The following COL18A1 variants were observed in gnomAD, a reference collection of about 807,000 sequenced individuals.
COL18A1 encodes the protein collagen type XVIII alpha 1 chain.
Under a neutral mutation model 168.0 loss-of-function variants are expected in COL18A1, and 133 were observed. That is an observed-to-expected ratio of 0.79 (90% CI 0.69 to 0.91). The LOEUF (loss-of-function observed/expected upper bound fraction) is 0.91. Ranked by LOEUF, COL18A1 falls within the 40% of genes least tolerant of loss-of-function variation. The pLI is 0.00. For synonymous variants in COL18A1, 949 were observed against 809.0 expected, an observed-to-expected ratio of 1.17 and a Z score of -2.94; for missense variants, 2,126 against 1,925.4, an observed-to-expected ratio of 1.10 and a Z score of -1.95.
intron 15 of COL18A1, among the ~76,000 whole-genome samples, chr21:45,485,364 C>G (rs1012021936): frequency 1.3e-5 from 2 of 151,382 alleles, no homozygotes; most frequent in East Asian, 3.9e-4. Context: ...GACACGATGG[C>G]TCACACCTGT....
At chr21:45,459,355 T>G (rs952511525) in intron 2 of COL18A1, among the ~76,000 whole-genome samples, 8 of 152,170 alleles carry the variant, frequency 5.3e-5, no homozygotes, top group African/African-American at 1.7e-4. Flanking sequence ...GTGGGGGTGC[T>G]GGGCTGTGAT....
At chr21:45,438,360 G>A (rs1418574840) in intron 2 of COL18A1, among the ~76,000 whole-genome samples, 2 of 135,774 alleles carry the variant, frequency 1.5e-5, no homozygotes, top group African/African-American at 2.9e-5. Flanking sequence ...AGACACACAG[G>A]CACTCTCCTG....
At chr21:45,475,740 C>T (rs375235752) in intron 5 of COL18A1, among the ~76,000 whole-genome samples, 1 of 142,012 alleles carries the variant, frequency 7.0e-6, no homozygotes, top group African/African-American at 2.9e-5. Flanking sequence ...CCTGCCTGGC[C>T]GCCGCGTGTC....
intron 2 of COL18A1, among the ~76,000 whole-genome samples, chr21:45,409,483 G>A (rs1385847861): frequency 1.3e-5 from 2 of 152,110 alleles, no homozygotes; most frequent in African/African-American, 2.4e-5. Context: ...CCAGGCCTGG[G>A]AGTTTGGGGT....
At position 45,443,840 on chromosome 21, in the gene COL18A1, T is replaced by C. The variant is rs1404130421; in HGVS notation, c.107-24402T>C. Among the ~76,000 whole-genome samples the C allele has an allele frequency of 6.6e-6, 1 of 152,204 alleles. No homozygotes were observed. The highest frequency in any genetic ancestry group is 6.5e-5 in the Admixed American group (1 of 15,292). ...GCACTAAGGAGAGATGCCTGCTGCA[T>C]GATCCCCTAGATGCGTCCGAGGGAC... On this transcript the variant is annotated intron_variant, in intron 2 of 41. Coordinates refer to ENST00000651438, the MANE Select transcript of COL18A1 (RefSeq NM_001379500.1). This position sits in a 1 kb window ranked among gnomAD's most constrained non-coding sequence, Gnocchi z 5.2.
chr21:45,468,017 C>T (rs978804796), intron 2 of COL18A1, among the ~76,000 whole-genome samples: 13 of 152,224 alleles, frequency 8.5e-5, no homozygotes, highest in African/African-American at 2.9e-4. Context: ...GTCCCCTGCA[C>T]ACAGGTTTCT....
chr21:45,473,893 A>G lies in COL18A1; in HGVS notation c.652-2A>G. 1 of 1,598,492 alleles carries G rather than the reference A, an allele frequency of 6.3e-7. No individual in the cohort carries two copies. The highest frequency in any genetic ancestry group is 8.5e-7 in the Non-Finnish European group (1 of 1,172,840). The stretch of plus-strand genomic sequence containing the variant: ...GTGACCCCTTTCTCTGTCTGCATTT[A>G]GGGGGTGATCGCTGAGCTGAAGGTG... On this transcript the variant is annotated splice_acceptor_variant, in intron 3 of 41. Transcript: ENST00000651438. LOFTEE classifies it high-confidence loss of function. The surrounding 1 kb of genome is among the most constrained non-coding windows in gnomAD (Gnocchi z 4.0).
chr21:45,510,938 A>ACACCC (rs1271906023), intron 40 of COL18A1, among the ~76,000 whole-genome samples, 173 bp from the exon 41 acceptor site: 1 of 41,994 alleles, frequency 2.4e-5, no homozygotes, highest in Non-Finnish European at 4.2e-5. Context: ...CCCCCAAAAA[A>ACACCC]ACACACACCC....
chr21:45,413,127 C>T (rs1360187122), intron 2 of COL18A1, among the ~76,000 whole-genome samples: 1 of 152,202 alleles, frequency 6.6e-6, no homozygotes. Flanking sequence ...AGGGGGGACG[C>T]CACAGTGGAG....
chr21:45,489,538 G>T lies in COL18A1; in HGVS notation c.1959+17G>T, dbSNP rs773229325. 29 of 1,571,020 alleles carry T rather than the reference G, an allele frequency of 1.8e-5. No individual in the cohort carries two copies. The highest frequency in any genetic ancestry group is 2.5e-5 in the Non-Finnish European group (29 of 1,152,830). ...GGGGCGAAGGTAAGCGCTGTGCCCG[G>T]GTTCAGGGACGTGGCCAGGCAGAGG... On this transcript the variant is annotated intron_variant, in intron 19 of 41. Transcript: ENST00000651438.
At chr21:45,481,381 G>A (rs1301696194) in intron 13 of COL18A1, among the ~76,000 whole-genome samples, 3 of 152,236 alleles carry the variant, frequency 2.0e-5, no homozygotes, top group African/African-American at 7.2e-5. Flanking sequence ...CTGGCAGCAG[G>A]TGCAGACGTG....
At chr21:45,445,263 G>A (rs926451682) in intron 2 of COL18A1, among the ~76,000 whole-genome samples, 6 of 152,176 alleles carry the variant, frequency 3.9e-5, no homozygotes, top group Admixed American at 3.9e-4. Context: ...TTCCGGGTTC[G>A]TCCGTGTTGC....
chr21:45,446,871 A>G (rs896605380), intron 2 of COL18A1, among the ~76,000 whole-genome samples: 1 of 152,262 alleles, frequency 6.6e-6, no homozygotes, highest in Admixed American at 6.5e-5. Flanking sequence ...GTAATACATC[A>G]TATCAATAGA....
intron 2 of COL18A1, chr21:45,456,270 C>T (rs745318918): frequency 6.3e-7 from 1 of 1,577,832 alleles, no homozygotes; most frequent in South Asian, 1.1e-5. Flanking sequence ...GCCGCAGCCG[C>T]TCCCAGCCAG....
chr21:45,469,251 G>C (rs2145893266), intron 3 of COL18A1, among the ~76,000 whole-genome samples: 1 of 152,368 alleles, frequency 6.6e-6, no homozygotes, highest in Non-Finnish European at 1.5e-5. Context: ...ACCGAGTCCA[G>C]GCCCAGCCAC....
In COL18A1 at chr21:45,490,192, C is replaced by T. The variant is rs1209069601; in HGVS notation, c.1960-83C>T. The T allele has an allele frequency of 7.0e-5, 83 of 1,179,354 alleles. 1 individual carries two copies. The highest frequency in any genetic ancestry group is 2.0e-4 in the Admixed American group (10 of 49,708). The allele number at this position is 1,179,354 out of a possible 1,614,324, so 73.1% of individuals were successfully genotyped here. A position where few individuals can be genotyped will look rare whatever the true frequency, so the allele number is the denominator to read the frequency against. ...GAAGTCCAGGCCATCGCCACGTCCA[C>T]GGGTGCCCCGGACTCCTCGTGGGGG... On this transcript the variant is annotated intron_variant, in intron 19 of 41. Transcript: ENST00000651438.
At chr21:45,495,934 C>T (rs1192955165) in intron 29 of COL18A1, 4 of 321,868 alleles carry the variant, frequency 1.2e-5, no homozygotes, top group South Asian at 2.7e-5. Context: ...GGCATACACA[C>T]TGCACATGTA....
At position 45,502,058 on chromosome 21, in the gene COL18A1, C is replaced by G. The variant is rs1320647178; in HGVS notation, c.2684-1953C>G. On this transcript the variant is annotated intron_variant, in intron 32 of 41. Coordinates refer to ENST00000651438, the MANE Select transcript of COL18A1 (RefSeq NM_001379500.1). Reference sequence around the variant, plus strand: ...CTCAGGGGCCTCCGCAGCCGGTCACCTCCCTCTGCCGAAGGACCCCCAGGG... The same window carrying G: ...CTCAGGGGCCTCCGCAGCCGGTCACGTCCCTCTGCCGAAGGACCCCCAGGG... Among the ~76,000 whole-genome samples, 2 of 104,342 alleles carry G rather than the reference C, an allele frequency of 1.9e-5. 1 individual carries two copies. The highest frequency in any genetic ancestry group is 5.7e-4 in the South Asian group (2 of 3,536). The allele number at this position is 104,342 out of a possible 152,430, so 68.5% of individuals were successfully genotyped here.
At position 45,473,339 on chromosome 21, in the gene COL18A1, C is replaced by A. The variant is rs1041674747; in HGVS notation, c.652-556C>A. The stretch of plus-strand genomic sequence containing the variant: ...GTGAGTGAGTGAGATTGGGTCCGGA[C>A]GGAATGGGCGCAGAGATCCAGGAAA... On this transcript the variant is annotated intron_variant, in intron 3 of 41. Transcript: ENST00000651438. This position sits in a 1 kb window ranked among gnomAD's most constrained non-coding sequence, Gnocchi z 4.0. Among the ~76,000 whole-genome samples the A allele has an allele frequency of 2.0e-5, 3 of 152,218 alleles. No individual in the cohort carries two copies. The highest frequency in any genetic ancestry group is 7.2e-5 in the African/African-American group (3 of 41,462).
Sources: gnomAD v4.1 joint callset for allele counts (sites outside exome capture counted in the v4.1 genomes callset) on GRCh38, gnomAD v4.1.1 for gene constraint, Gnocchi (gnomAD v3.1) non-coding constraint, MANE v1.5 for transcripts, NCBI Gene and HGNC (gene_info 2026-07-23, HGNC 2026-07-21) for gene names.